Variants in FAM124A observed in about 807,000 individuals in gnomAD.
FAM124A encodes the protein family with sequence similarity 124 member A.
In FAM124A, 23 loss-of-function variants were observed where a neutral mutation model predicts 24.5. That is an observed-to-expected ratio of 0.94 (90% CI 0.68 to 1.33). The LOEUF (loss-of-function observed/expected upper bound fraction) is 1.33, where lower values mean the gene tolerates loss of function less well. Among genes scored for constraint, FAM124A ranks in the 40% most tolerant of loss-of-function variants. The pLI is 0.00. For missense variants in FAM124A, 623 were observed against 722.8 expected, an observed-to-expected ratio of 0.86 and a Z score of 1.58; for synonymous variants, 287 against 314.7, an observed-to-expected ratio of 0.91 and a Z score of 0.93.
intron 3 of FAM124A, among the ~76,000 whole-genome samples, chr13:51,268,632 T>C (rs547783338): frequency 6.6e-6 from 1 of 152,208 alleles, no homozygotes; most frequent in Non-Finnish European, 1.5e-5. Flanking sequence ...GGCCTGTGCA[T>C]GGTCACAAGA....
rs974443748 is a variant in FAM124A, at chr13:51,280,617, C to A, written c.1002C>A (p.Gly334=). The A allele has an allele frequency of 1.2e-6, 2 of 1,614,110 alleles. No homozygotes were observed. The highest frequency in any genetic ancestry group is 2.7e-5 in the African/African-American group (2 of 74,954). The part of the protein sequence containing the change: ...NSPHPGPIRT[G]LPPGHQQEFA... ...CTCACCCGGGGCCCATCCGGACAGG[C>A]CTGCCTCCTGGGCACCAGCAGGAAT... is the stretch of plus-strand genomic sequence containing the variant. Residue 334 remains glycine, a synonymous_variant, in exon 4 of 4, where the codon GGC becomes GGA. Coordinates refer to ENST00000322475, the MANE Select transcript of FAM124A (RefSeq NM_001242312.2).
chr13:51,263,084 T>C (rs994628273), intron 3 of FAM124A, among the ~76,000 whole-genome samples: 2 of 152,176 alleles, frequency 1.3e-5, no homozygotes, highest in Admixed American at 6.5e-5. Flanking sequence ...GGCCTCTCAC[T>C]CTGACATCTC....
chr13:51,240,892 G>A (rs997458482), intron 2 of FAM124A, among the ~76,000 whole-genome samples: 1 of 152,064 alleles, frequency 6.6e-6, no homozygotes, highest in Non-Finnish European at 1.5e-5. Flanking sequence ...TTCTCAGAAC[G>A]CTTCTGGCAC....
At chr13:51,261,715 G>A (rs927890832) in intron 3 of FAM124A, among the ~76,000 whole-genome samples, 7 of 152,198 alleles carry the variant, frequency 4.6e-5, no homozygotes, top group Admixed American at 3.9e-4. Context: ...TCCTAAGGGA[G>A]GTTTGGTGGG....
chr13:51,246,311 C>G (rs966824520), intron 2 of FAM124A, among the ~76,000 whole-genome samples: 1 of 145,628 alleles, frequency 6.9e-6, no homozygotes, highest in African/African-American at 2.5e-5. Flanking sequence ...GGCATAGAGA[C>G]TTTTCGTGGC....
At chr13:51,259,941 A>AGT (rs1183946435) in intron 3 of FAM124A, among the ~76,000 whole-genome samples, 1 of 152,166 alleles carries the variant, frequency 6.6e-6, no homozygotes, top group East Asian at 1.9e-4. Flanking sequence ...GGGTGTGTGC[A>AGT]GGAGGCTGAG....
In FAM124A at chr13:51,243,617, A is replaced by G. The variant is rs536193768; in HGVS notation, c.101-7851A>G. Among the ~76,000 whole-genome samples the G allele has an allele frequency of 2.5e-4, 38 of 151,992 alleles. 1 individual carries two copies. The South Asian group carries it at 7.7e-3, about 31-fold the overall frequency. The stretch of plus-strand genomic sequence containing the variant: ...GGTGTGATCTCAGCTTACTGCAACC[A>G]CTACCTCCAGGGTTCAAGTGATTCT... On this transcript the variant is annotated intron_variant, in intron 2 of 3. Coordinates refer to ENST00000322475, the MANE Select transcript of FAM124A (RefSeq NM_001242312.2).
At chr13:51,230,248 T>A (rs1954360599) in intron 1 of FAM124A, among the ~76,000 whole-genome samples, 1 of 152,214 alleles carries the variant, frequency 6.6e-6, no homozygotes, top group Admixed American at 6.5e-5. Flanking sequence ...GACCAATAAA[T>A]CAATGCAGCA....
intron 3 of FAM124A, among the ~76,000 whole-genome samples, chr13:51,270,576 C>T (rs192111011): frequency 7.9e-5 from 12 of 152,326 alleles, no homozygotes; most frequent in Admixed American, 7.2e-4. Context: ...AATCTTCTAA[C>T]CCTTGAAACT....
chr13:51,260,453 C>G (rs541609661), intron 3 of FAM124A, among the ~76,000 whole-genome samples: 61 of 152,188 alleles, frequency 4.0e-4, no homozygotes, highest in Admixed American at 7.9e-4. Flanking sequence ...TGACAATGAG[C>G]TCGTGCAGGA....
chr13:51,281,079 C>T lies in FAM124A; in HGVS notation c.1464C>T (p.Ser488=), dbSNP rs1954932438. The change falls in exon 4 of 4, where the codon TCC becomes TCT. Residue 488 remains serine (S), a synonymous_variant. Coordinates refer to ENST00000322475, the MANE Select transcript of FAM124A (RefSeq NM_001242312.2). The part of the protein sequence containing the change: ...ASLPFFTKRS[S]SSSATARAAP... Reference sequence around the variant, plus strand: ...TCCCTTTCTTCACCAAAAGGTCTTCCAGCTCCTCAGCGACAGCTCGTGCTG... The same window carrying T: ...TCCCTTTCTTCACCAAAAGGTCTTCTAGCTCCTCAGCGACAGCTCGTGCTG... 2.5e-6 allele frequency: 4 copies of T among 1,614,078 alleles called. No individual in the cohort carries two copies. The highest frequency in any genetic ancestry group is 1.3e-5 in the African/African-American group (1 of 74,986).
chr13:51,280,532 C>T lies in FAM124A; in HGVS notation c.917C>T (p.Pro306Leu), dbSNP rs190701077. ...SEKKRHSTPL[P>L]STAVPSHTPG... ...AAGAAACGTCATTCCACTCCTTTGC[C>T]GAGCACTGCTGTACCAAGCCATACA... Residue 306 changes from proline to leucine, a missense_variant, in exon 4 of 4, where the codon CCG becomes CTG. Coordinates refer to ENST00000322475, the MANE Select transcript of FAM124A (RefSeq NM_001242312.2). The T allele has an allele frequency of 6.1e-4, 988 of 1,614,032 alleles. 1 individual carries two copies. Among genetic ancestry groups the T allele is most frequent in the East Asian group, 1.9e-3 (87 of 44,886 alleles).
rs1954631353 is a variant in FAM124A, at chr13:51,252,130, A to C, written c.763A>C (p.Asn255His). ...AGGCGAGCTCGTGCCTCTCCTGCCC[A>C]ACCCTTGCAGCCCCATCAGCGAGGG... Reference protein sequence around the residue: ...DIGELVPLLPNPCSPISEGRW... With the variant: ...DIGELVPLLPHPCSPISEGRW... Residue 255 changes from asparagine (N) to histidine (H), a missense_variant, in exon 3 of 4, where the codon AAC becomes CAC. Physicochemically the swap from Asn to His is moderately conservative, Grantham distance 68. Transcript: ENST00000322475. 4 of 1,613,880 alleles carry C rather than the reference A, an allele frequency of 2.5e-6. No individual in the cohort carries two copies. Among genetic ancestry groups the C allele is most frequent in the African/African-American group, 1.3e-5 (1 of 74,940 alleles).
chr13:51,223,899 A>G (rs1287354456), intron 1 of FAM124A, among the ~76,000 whole-genome samples: 2 of 152,244 alleles, frequency 1.3e-5, no homozygotes, highest in African/African-American at 4.8e-5. Context: ...AGCAAAATTA[A>G]CCAGCTTATT....
At chr13:51,253,078 A>C (rs143460168) in intron 3 of FAM124A, 114 of 152,362 alleles carry the variant, frequency 7.5e-4, no homozygotes, top group African/African-American at 2.7e-3. Context: ...AATTAGTTCC[A>C]GGAGTATAGG....
chr13:51,280,602 G>T lies in FAM124A; in HGVS notation c.987G>T (p.Gly329=). 6.2e-7 allele frequency: 1 copy of T among 1,614,162 alleles called. No individual in the cohort carries two copies. The highest frequency in any genetic ancestry group is 8.5e-7 in the Non-Finnish European group (1 of 1,180,034). Residue 329 remains glycine (G), a synonymous_variant, in exon 4 of 4, where the codon GGG becomes GGT. Transcript: ENST00000322475. The part of the protein sequence containing the change: ...QQSPLNSPHP[G]PIRTGLPPGH... The stretch of plus-strand genomic sequence containing the variant: ...CCCCGCTCAACAGTCCTCACCCGGG[G>T]CCCATCCGGACAGGCCTGCCTCCTG...
intron 2 of FAM124A, among the ~76,000 whole-genome samples, chr13:51,240,179 G>C (rs1253108688): frequency 6.6e-6 from 1 of 152,206 alleles, no homozygotes; most frequent in Non-Finnish European, 1.5e-5. Context: ...ATCCTTTCAA[G>C]GTTACAAAAT....
intron 1 of FAM124A, among the ~76,000 whole-genome samples, chr13:51,226,165 A>AT (rs1170043302): frequency 6.6e-6 from 1 of 150,622 alleles, no homozygotes; most frequent in African/African-American, 2.4e-5. Context: ...TGCCCAGCTA[A>AT]TTTTTTTATT....
At position 51,239,018 on chromosome 13, in the gene FAM124A, C is replaced by T. The variant is rs774163873; in HGVS notation, c.100+7639C>T. Among the ~76,000 whole-genome samples the T allele has an allele frequency of 5.3e-5, 8 of 151,992 alleles. No individual in the cohort carries two copies. The South Asian group carries it at 6.2e-4, about 12-fold the overall frequency. On this transcript the variant is annotated intron_variant, in intron 2 of 3. Transcript: ENST00000322475. ...TCGACAGAGGGTGTTGATTTCCATC[C>T]GGGATATGAAAGAAAAATGGAGGCA...
Sources: gnomAD v4.1 joint callset for allele counts (sites outside exome capture counted in the v4.1 genomes callset) on GRCh38, gnomAD v4.1.1 for gene constraint, MANE v1.5 for transcripts, NCBI Gene and HGNC (gene_info 2026-07-23, HGNC 2026-07-21) for gene names.